Variants in KCTD16 observed in about 807,000 individuals in gnomAD.
KCTD16 encodes potassium channel tetramerization domain containing 16.
In KCTD16, 13 loss-of-function variants were observed where a neutral mutation model predicts 33.2. That is an observed-to-expected ratio of 0.39 (90% CI 0.25 to 0.62). The LOEUF is 0.62. Ranked by LOEUF, KCTD16 falls within the 20% of genes least tolerant of loss-of-function variation. The probability of loss-of-function intolerance (pLI) is 0.50; values close to 1 mark genes in which losing one functional copy is unlikely to be tolerated. For synonymous variants in KCTD16, 197 were observed against 195.3 expected (o/e 1.01, Z -0.07); for missense variants, 441 against 525.1 (o/e 0.84, Z 1.57).
chr5:144,354,771 A>G (rs1342137849), intron 3 of KCTD16, among the ~76,000 whole-genome samples: 1 of 152,238 alleles, frequency 6.6e-6, no homozygotes, highest in Non-Finnish European at 1.5e-5. Flanking sequence ...TGTGTTAACT[A>G]GAAAGCAAAG....
chr5:144,432,434 A>G (rs1297276478), intron 3 of KCTD16, among the ~76,000 whole-genome samples: 1 of 152,230 alleles, frequency 6.6e-6, no homozygotes, highest in Non-Finnish European at 1.5e-5. Context: ...AGTAGCCAGT[A>G]GAAGGGAAAT....
At chr5:144,418,300 G>A (rs1753128900) in intron 3 of KCTD16, among the ~76,000 whole-genome samples, 1 of 152,136 alleles carries the variant, frequency 6.6e-6, no homozygotes, top group Admixed American at 6.5e-5. Context: ...GGATTCTGGT[G>A]GCCTGCTTTT....
Position 144,475,868 on chromosome 5 carries a change from C to G in KCTD16, c.*1754C>G, listed in dbSNP as rs1754582902. ...TCTGAATTTTTGTAATTCTCGCCTT[C>G]ACACTAGGATGACAGACTCAGCTAA... On this transcript the variant is annotated 3_prime_UTR_variant, in exon 4 of 4. Transcript: ENST00000512467. 1 of 152,322 alleles carries G rather than the reference C, an allele frequency of 6.6e-6. No homozygotes were observed. The highest frequency in any genetic ancestry group is 2.1e-4 in the South Asian group (1 of 4,834). The allele number at this position is 152,322 out of a possible 1,614,324, so 9.4% of individuals were successfully genotyped here.
intron 3 of KCTD16, among the ~76,000 whole-genome samples, chr5:144,240,985 G>A (rs1041396658): frequency 6.6e-5 from 10 of 152,034 alleles, no homozygotes; most frequent in Non-Finnish European, 1.0e-4. Context: ...GGATGGGATC[G>A]AGACACCAGG....
intron 3 of KCTD16, among the ~76,000 whole-genome samples, chr5:144,337,289 T>C (rs1752514671): frequency 6.6e-6 from 1 of 152,070 alleles, no homozygotes; most frequent in Non-Finnish European, 1.5e-5. Flanking sequence ...ATTTTATAGT[T>C]CCTAATAATA....
In KCTD16 at chr5:144,260,403, A is replaced by G. The variant is rs183640535; in HGVS notation, c.832+52857A>G. Among the ~76,000 whole-genome samples the G allele has an allele frequency of 2.3e-3, 344 of 152,310 alleles. 1 individual carries two copies. The highest frequency in any genetic ancestry group is 3.5e-3 in the Non-Finnish European group (240 of 68,030). ...AGAGATTTCAAGGGTAAAGTAGTTA[A>G]AGAAAATTCTGAAAGATATGATGGA... On this transcript the variant is annotated intron_variant, in intron 3 of 3. Coordinates refer to ENST00000512467, the MANE Select transcript of KCTD16 (RefSeq NM_020768.4).
chr5:144,363,841 C>T (rs190971071), intron 3 of KCTD16, among the ~76,000 whole-genome samples: 3 of 152,302 alleles, frequency 2.0e-5, no homozygotes, highest in African/African-American at 7.2e-5. Context: ...GAACCTCTTT[C>T]CTGGCATACA....
intron 3 of KCTD16, among the ~76,000 whole-genome samples, chr5:144,268,982 G>C (rs1304507640): frequency 6.6e-6 from 1 of 152,056 alleles, no homozygotes; most frequent in Non-Finnish European, 1.5e-5. Context: ...AGGCAGATTT[G>C]AACAAGGAGA....
intron 3 of KCTD16, among the ~76,000 whole-genome samples, chr5:144,472,540 T>C (rs1208051373): frequency 6.6e-6 from 1 of 152,192 alleles, no homozygotes; most frequent in East Asian, 1.9e-4. Context: ...TAGTTTATCA[T>C]ATAAATGAAA....
chr5:144,273,965 CAT>C (rs1307360496), intron 3 of KCTD16, among the ~76,000 whole-genome samples: 3 of 149,426 alleles, frequency 2.0e-5, no homozygotes, highest in South Asian at 2.1e-4. Context: ...ATATACGTAA[CAT>C]ATTATATTAA....
chr5:144,411,678 G>A (rs1179419961), intron 3 of KCTD16, among the ~76,000 whole-genome samples: 2 of 151,988 alleles, frequency 1.3e-5, no homozygotes, highest in African/African-American at 4.8e-5. Context: ...GCAAAAACCG[G>A]CAAATAGAAT....
intron 3 of KCTD16, among the ~76,000 whole-genome samples, chr5:144,314,860 AG>A (rs1751864403): frequency 6.6e-6 from 1 of 152,160 alleles, no homozygotes; most frequent in Non-Finnish European, 1.5e-5. Flanking sequence ...GCTAATAAAA[AG>A]ACCTAAATCA....
chr5:144,181,445 A>G (rs1752624148), intron 2 of KCTD16, among the ~76,000 whole-genome samples: 1 of 152,242 alleles, frequency 6.6e-6, no homozygotes, highest in African/African-American at 2.4e-5. Context: ...ATATCAAATC[A>G]GCACCTTATA....
chr5:144,463,952 C>T (rs1041470930), intron 3 of KCTD16, among the ~76,000 whole-genome samples: 5 of 152,284 alleles, frequency 3.3e-5, no homozygotes, highest in African/African-American at 7.2e-5. Context: ...AAAGGAATGA[C>T]GATTTGTTAG....
chr5:144,240,835 C>A (rs958208427), intron 3 of KCTD16, among the ~76,000 whole-genome samples: 3 of 152,072 alleles, frequency 2.0e-5, no homozygotes, highest in African/African-American at 7.2e-5. Flanking sequence ...GAACAAGATA[C>A]CAGGGAGGCG....
At chr5:144,355,354 T>C (rs1751547988) in intron 3 of KCTD16, among the ~76,000 whole-genome samples, 2 of 152,178 alleles carry the variant, frequency 1.3e-5, no homozygotes, top group Non-Finnish European at 2.9e-5. Context: ...TTCAGAGACC[T>C]TCAGAAGGAA....
At chr5:144,358,017 G>T (rs372518736) in intron 3 of KCTD16, among the ~76,000 whole-genome samples, 1 of 151,734 alleles carries the variant, frequency 6.6e-6, no homozygotes, top group African/African-American at 2.4e-5. Flanking sequence ...TTGAAGTCTT[G>T]GGTTCAAGTG....
At chr5:144,181,983 A>G (rs1010479365) in intron 2 of KCTD16, among the ~76,000 whole-genome samples, 1 of 151,786 alleles carries the variant, frequency 6.6e-6, no homozygotes, top group Non-Finnish European at 1.5e-5. Context: ...AATTCCAGCT[A>G]CTTGGGAGGC....
chr5:144,414,188 C>G (rs1752996554), intron 3 of KCTD16, among the ~76,000 whole-genome samples: 1 of 152,168 alleles, frequency 6.6e-6, no homozygotes, highest in Admixed American at 6.5e-5. Flanking sequence ...GCATGATACC[C>G]TGTCATTTCT....
Sources: allele counts gnomAD v4.1 joint callset (sites outside exome capture counted in the v4.1 genomes callset), GRCh38; gene constraint gnomAD v4.1.1; transcripts MANE v1.5; gene names NCBI Gene and HGNC (gene_info 2026-07-23, HGNC 2026-07-21).